Variants in TGFA observed in about 807,000 individuals in gnomAD.
TGFA encodes transforming growth factor alpha.
A neutral mutation model predicts 21.7 loss-of-function variants in TGFA; 12 were observed. The observed-to-expected ratio is 0.55, with a 90% CI of 0.35 to 0.90. TGFA has a LOEUF of 0.90. TGFA is among the 40% of genes least tolerant of loss of function. TGFA has a pLI of 0.01. For missense variants in TGFA, 178 were observed against 210.8 expected, an observed-to-expected ratio of 0.84 and a Z score of 0.96; for synonymous variants, 79 against 88.1, an observed-to-expected ratio of 0.90 and a Z score of 0.58.
chr2:70,498,692 A>G (rs985444401), intron 2 of TGFA, among the ~76,000 whole-genome samples: 1 of 152,058 alleles, frequency 6.6e-6, no homozygotes, highest in Non-Finnish European at 1.5e-5. Flanking sequence ...TCATACATAT[A>G]TGACAGCTTG....
At chr2:70,553,109 G>A (rs971357750) in intron 1 of TGFA, 8 of 1,483,902 alleles carry the variant, frequency 5.4e-6, no homozygotes, top group Non-Finnish European at 7.3e-6. Flanking sequence ...CCTGCCCTCG[G>A]CGGACACCGA....
At chr2:70,455,320 C>CT (rs1205014837) in intron 4 of TGFA, among the ~76,000 whole-genome samples, 6 of 152,178 alleles carry the variant, frequency 3.9e-5, no homozygotes, top group Non-Finnish European at 5.9e-5. Context: ...TCAGATGTCT[C>CT]AATAGCCACA....
At chr2:70,508,405 A>G (rs141288258) in intron 2 of TGFA, among the ~76,000 whole-genome samples, 2,126 of 152,280 alleles carry the variant, frequency 0.014, 55 homozygotes, top group African/African-American at 0.048. Flanking sequence ...AGATTGCACC[A>G]TTGCACGCTA....
At chr2:70,487,236 T>C (rs1553496851) in intron 2 of TGFA, among the ~76,000 whole-genome samples, 1 of 152,214 alleles carries the variant, frequency 6.6e-6, no homozygotes, top group Non-Finnish European at 1.5e-5. Context: ...TTTTGTGTTC[T>C]GTGTGCCCAA....
At position 70,532,549 on chromosome 2, in the gene TGFA, C is replaced by T. The variant is rs79262359; in HGVS notation, c.41-17637G>A. On this transcript the variant is annotated intron_variant, in intron 1 of 5. Transcript: ENST00000295400. ...CAATCCTCTTCCTCATTCACAAGGG[C>T]GGCTGGTGCCGGCCTTGTTTAAAGT... Among the ~76,000 whole-genome samples, 715 of 152,284 alleles carry T rather than the reference C, an allele frequency of 4.7e-3. 4 individuals carry two copies. The highest frequency in any genetic ancestry group is 0.016 in the African/African-American group (663 of 41,552).
intron 4 of TGFA, among the ~76,000 whole-genome samples, 164 bp downstream of exon 4, chr2:70,456,175 C>T (rs11466261): frequency 0.051 from 7,746 of 152,320 alleles, 598 homozygotes; most frequent in African/African-American, 0.17. Flanking sequence ...TTGGCTGCCA[C>T]GCCATGCCAA....
At chr2:70,491,888 C>G (rs3755380) in intron 2 of TGFA, among the ~76,000 whole-genome samples, 90,192 of 152,106 alleles carry the variant, frequency 0.59, 27,469 homozygotes, top group African/African-American at 0.72. Flanking sequence ...ATAAAACCCA[C>G]CAAATGAGCT....
chr2:70,465,795 A>C (rs1574074764), intron 2 of TGFA, 59 bp from the exon 3 acceptor site: 1 of 1,594,606 alleles, frequency 6.3e-7, no homozygotes, highest in South Asian at 1.1e-5. Flanking sequence ...CAAACCCCAC[A>C]CCTCCCACCC....
chr2:70,465,019 C>T (rs11466254), intron 3 of TGFA, among the ~76,000 whole-genome samples: 60 of 152,316 alleles, frequency 3.9e-4, no homozygotes, highest in African/African-American at 9.4e-4. Flanking sequence ...ATTCTGATTC[C>T]GTAGGTCAGA....
intron 1 of TGFA, among the ~76,000 whole-genome samples, chr2:70,536,122 A>T (rs1309506760): frequency 6.6e-6 from 1 of 152,242 alleles, no homozygotes; most frequent in Admixed American, 6.5e-5. Context: ...TCACATGAGC[A>T]TAAAGAGTTT....
chr2:70,515,447 C>A (rs1463765377), intron 1 of TGFA, among the ~76,000 whole-genome samples: 1 of 152,076 alleles, frequency 6.6e-6, no homozygotes, highest in Non-Finnish European at 1.5e-5. Flanking sequence ...AGCAAAGGAC[C>A]CACTCCCTCT....
At chr2:70,503,366 T>C (rs1380795727) in intron 2 of TGFA, among the ~76,000 whole-genome samples, 13 of 143,342 alleles carry the variant, frequency 9.1e-5, no homozygotes, top group South Asian at 6.6e-4. Context: ...TAGGTGGGAA[T>C]TGAACAATGA....
chr2:70,507,669 A>G lies in TGFA; in HGVS notation c.94+7190T>C, dbSNP rs1671968559. ...ATATACAATTTTTAAGTTTTCACTT[A>G]CTAATACTAAGGAATTCGGTTCGCT... On this transcript the variant is annotated intron_variant, in intron 2 of 5. Coordinates refer to ENST00000295400, the MANE Select transcript of TGFA (RefSeq NM_003236.4). Among the ~76,000 whole-genome samples, 3 of 152,356 alleles carry G rather than the reference A, an allele frequency of 2.0e-5. No homozygotes were observed. In the South Asian group the frequency reaches 6.2e-4, roughly 32 times the overall value.
chr2:70,525,638 T>C (rs1417876303), intron 1 of TGFA, among the ~76,000 whole-genome samples: 1 of 152,096 alleles, frequency 6.6e-6, no homozygotes, highest in Admixed American at 6.5e-5. Flanking sequence ...GAGAAGAGGC[T>C]AGTAGGGGAG....
intron 2 of TGFA, among the ~76,000 whole-genome samples, chr2:70,498,217 G>A (rs905647337): frequency 1.3e-5 from 2 of 152,234 alleles, no homozygotes; most frequent in Non-Finnish European, 2.9e-5. Context: ...ACAGAGTGCT[G>A]CTAAATCTGC....
chr2:70,541,553 T>C (rs565655188), intron 1 of TGFA, among the ~76,000 whole-genome samples: 36 of 152,302 alleles, frequency 2.4e-4, no homozygotes, highest in African/African-American at 8.2e-4. Flanking sequence ...ATGTGCAGGA[T>C]TGAACTGAGG....
At chr2:70,476,809 T>C (rs1221093919) in intron 2 of TGFA, among the ~76,000 whole-genome samples, 1 of 152,160 alleles carries the variant, frequency 6.6e-6, no homozygotes, top group African/African-American at 2.4e-5. Flanking sequence ...CTTAAAAACA[T>C]AGAAGTGAAT....
chr2:70,516,946 A>G (rs568493293), intron 1 of TGFA, among the ~76,000 whole-genome samples: 1 of 152,212 alleles, frequency 6.6e-6, no homozygotes, highest in African/African-American at 2.4e-5. Context: ...CCCAGTCAGC[A>G]TGGTTCCTGG....
At chr2:70,459,963 G>A (rs933227550) in intron 3 of TGFA, among the ~76,000 whole-genome samples, 4 of 152,184 alleles carry the variant, frequency 2.6e-5, no homozygotes, top group African/African-American at 9.7e-5. Context: ...CAAGAACAGT[G>A]CGTCTTAGCC....
Sources: gnomAD v4.1 joint callset for allele counts (sites outside exome capture counted in the v4.1 genomes callset) on GRCh38, gnomAD v4.1.1 for gene constraint, MANE v1.5 for transcripts, NCBI Gene and HGNC (gene_info 2026-07-23, HGNC 2026-07-21) for gene names.